The following COPS2 variants were observed in gnomAD, a reference collection of about 807,000 sequenced individuals.
COPS2 encodes the protein COP9 signalosome subunit 2, also known as COP9 signalosome complex subunit 2.
Under a neutral mutation model 66.1 loss-of-function variants are expected in COPS2, and 10 were observed. That is an observed-to-expected ratio of 0.15 (90% CI 0.09 to 0.26). The LOEUF is 0.26. COPS2 is among the 10% of genes least tolerant of loss of function. The probability of loss-of-function intolerance (pLI) is 1.00; values close to 1 mark genes in which losing one functional copy is unlikely to be tolerated. For missense variants in COPS2, 215 were observed against 513.3 expected, an observed-to-expected ratio of 0.42 and a Z score of 5.62; for synonymous variants, 179 against 171.3, an observed-to-expected ratio of 1.04 and a Z score of -0.35.
intron 3 of COPS2, among the ~76,000 whole-genome samples, chr15:49,140,543 TTATTCCTTG>T (rs1178837298): frequency 2.6e-5 from 4 of 152,198 alleles, no homozygotes; most frequent in Non-Finnish European, 5.9e-5. Flanking sequence ...GTAAATGTTG[TTATTCCTTG>T]TATTTGTACT....
At chr15:49,132,571 CAAAAAA>C (rs748471326) in intron 9 of COPS2, among the ~76,000 whole-genome samples, 1 of 59,900 alleles carries the variant, frequency 1.7e-5, no homozygotes, top group East Asian at 6.3e-4. Flanking sequence ...CATATATCTG[CAAAAAA>C]AAAAAAAAAA....
rs779043776 is a variant in COPS2 at position 49,129,299 on chromosome 15, T to C, written c.1128+178A>G. ...CAGCCTGGGCTATACAGCAAGACCCTGTCTCTTAAAAAAAAAAAAAATGAT... is the reference window on the plus strand; with the variant it reads ...CAGCCTGGGCTATACAGCAAGACCCCGTCTCTTAAAAAAAAAAAAAATGAT... On this transcript the variant is annotated intron_variant, in intron 11 of 12. Coordinates refer to ENST00000388901, the MANE Select transcript of COPS2 (RefSeq NM_004236.4). Among the ~76,000 whole-genome samples, 9 of 149,948 alleles carry C rather than the reference T, an allele frequency of 6.0e-5. No homozygotes were observed. In the South Asian group the frequency reaches 6.3e-4, roughly 11 times the overall value.
chr15:49,130,925 A>C, intron 9 of COPS2, 109 bp from the exon 10 acceptor site: 2 of 506,792 alleles, frequency 3.9e-6, no homozygotes. Context: ...AATCTAAATA[A>C]TATTATACTT....
At chr15:49,143,107 A>G (rs1198726734) in intron 3 of COPS2, among the ~76,000 whole-genome samples, 1 of 152,202 alleles carries the variant, frequency 6.6e-6, no homozygotes, top group Non-Finnish European at 1.5e-5. Flanking sequence ...ATGAAGAAAA[A>G]ATCCATATGG....
intron 1 of COPS2, among the ~76,000 whole-genome samples, chr15:49,153,274 T>C (rs985605601): frequency 6.7e-6 from 1 of 149,786 alleles, no homozygotes; most frequent in African/African-American, 2.5e-5. Context: ...AATATATACA[T>C]GTGTAAATAA....
intron 9 of COPS2, among the ~76,000 whole-genome samples, chr15:49,131,365 C>T (rs915781125): frequency 1.3e-5 from 2 of 151,326 alleles, no homozygotes; most frequent in Non-Finnish European, 2.9e-5. Context: ...ATTTCTCAAT[C>T]CCCTGTTGCA....
At chr15:49,138,470 G>A (rs1282740129) in intron 4 of COPS2, among the ~76,000 whole-genome samples, 1 of 152,060 alleles carries the variant, frequency 6.6e-6, no homozygotes, top group Non-Finnish European at 1.5e-5. Flanking sequence ...AAAATCACTC[G>A]ATTCCCTCTC....
In COPS2 at chr15:49,146,769, A is replaced by C. The variant is rs555667414; in HGVS notation, c.55-1691T>G. Among the ~76,000 whole-genome samples, 138 of 152,310 alleles carry C rather than the reference A, an allele frequency of 9.1e-4. 5 individuals carry two copies. In the South Asian group the frequency reaches 0.028, roughly 30 times the overall value. The stretch of plus-strand genomic sequence containing the variant: ...AGTTCTAATATCCTCATGGTTAAGC[A>C]GGTGAAATAATTTTCACAAAATGTA... On this transcript the variant is annotated intron_variant, in intron 1 of 12. Transcript: ENST00000388901.
intron 1 of COPS2, among the ~76,000 whole-genome samples, chr15:49,152,137 A>G (rs1448972005): frequency 2.0e-5 from 3 of 151,270 alleles, no homozygotes; most frequent in African/African-American, 7.3e-5. Flanking sequence ...TTGAGAAAAC[A>G]AGTCAATTAC....
At chr15:49,136,992 C>CA (rs80034361) in intron 6 of COPS2, among the ~76,000 whole-genome samples, 158 bp downstream of exon 6, 22,752 of 142,972 alleles carry the variant, frequency 0.16, 2,158 homozygotes, top group Non-Finnish European at 0.21. Flanking sequence ...CCCTCTCTCT[C>CA]AAAAAAAAAA....
rs1166848691 is a variant in COPS2 at position 49,123,674 on chromosome 15, A to AT, written c.*4275dup. The AT allele has an allele frequency of 6.6e-6, 1 of 152,114 alleles. No homozygotes were observed. The highest frequency in any genetic ancestry group is 2.4e-5 in the African/African-American group (1 of 41,436). The allele number at this position is 152,114 out of a possible 1,614,324, so 9.4% of individuals were successfully genotyped here. ...CCGAATAGTAAGTACTTAAGAAATAATTTTTTCTTTTTTCCTGTCACAGGG... is the reference window on the plus strand; with the variant it reads ...CCGAATAGTAAGTACTTAAGAAATAATTTTTTTCTTTTTTCCTGTCACAGGG... On this transcript the variant is annotated 3_prime_UTR_variant, in exon 13 of 13. Coordinates refer to ENST00000388901, the MANE Select transcript of COPS2 (RefSeq NM_004236.4).
chr15:49,154,398 G>T (rs933158925), intron 1 of COPS2, among the ~76,000 whole-genome samples: 3 of 152,050 alleles, frequency 2.0e-5, no homozygotes, highest in Admixed American at 2.0e-4. Flanking sequence ...AAATAATAGC[G>T]AGAATTTCCT....
chr15:49,134,496 C>A lies in COPS2; in HGVS notation c.559G>T (p.Asp187Tyr). 6.2e-7 allele frequency: 1 copy of A among 1,610,078 alleles called. No individual in the cohort carries two copies. Among genetic ancestry groups the A allele is most frequent in the Non-Finnish European group, 8.5e-7 (1 of 1,178,596 alleles). Residue 187 changes from aspartate to tyrosine, a missense_variant, in exon 7 of 13, where the codon GAT (aspartate) becomes TAT (tyrosine). By Grantham distance (160) the Asp-to-Tyr change is radical. This residue lies in a region of COPS2 where 90 missense variants were observed against 225.1 expected (regional missense o/e 0.40). Coordinates refer to ENST00000388901, the MANE Select transcript of COPS2 (RefSeq NM_004236.4). ...AATAACTGTGTACCTTTTTTCAGATCATCTTCTCCATCATCAGTCTAGGAA... is the reference window on the plus strand; with the variant it reads ...AATAACTGTGTACCTTTTTTCAGATAATCTTCTCCATCATCAGTCTAGGAA... ...QSCQTDDGED[D>Y]LKKGTQLLEI...
chr15:49,142,584 C>T (rs1309289885), intron 3 of COPS2, among the ~76,000 whole-genome samples: 6 of 152,168 alleles, frequency 3.9e-5, no homozygotes, highest in Admixed American at 3.9e-4. Context: ...GTTCCTGAAC[C>T]TTCCAACTGC....
intron 1 of COPS2, among the ~76,000 whole-genome samples, chr15:49,149,740 A>G (rs941714770): frequency 1.3e-5 from 2 of 152,174 alleles, no homozygotes; most frequent in Non-Finnish European, 2.9e-5. Flanking sequence ...AGAAGTCCTA[A>G]GAAATGTACT....
intron 9 of COPS2, among the ~76,000 whole-genome samples, chr15:49,131,595 C>T (rs2084209676): frequency 6.6e-6 from 1 of 151,868 alleles, no homozygotes; most frequent in South Asian, 2.1e-4. Flanking sequence ...CCCAATGTAA[C>T]CTCATATTAG....
At position 49,134,021 on chromosome 15, in the gene COPS2, G is replaced by C; in HGVS notation, c.803C>G (p.Ser268Cys). The part of the protein sequence containing the change: ...FFEAFKNYDE[S>C]GSPRRTTCLK... ...GCAAGTGGTTCGTCTTGGACTTCCA[G>C]ATTCATCATAATTCTTGAAGGCTTC... Residue 268 changes from serine (S) to cysteine (C), a missense_variant, in exon 8 of 13, where the codon TCT becomes TGT. Ser to Cys is a moderately radical substitution (Grantham distance 112). Transcript: ENST00000388901. The C allele has an allele frequency of 6.2e-7, 1 of 1,613,794 alleles. No individual in the cohort carries two copies. Among genetic ancestry groups the C allele is most frequent in the Non-Finnish European group, 8.5e-7 (1 of 1,179,758 alleles).
rs2084166047 is a variant in COPS2 at position 49,126,332 on chromosome 15, T to C, written c.*1618A>G. ...TGCTTTTCTAAATCTAAGGATTATA[T>C]ATTTTTAGTATAAATATATATCACA... is the stretch of plus-strand genomic sequence containing the variant. On this transcript the variant is annotated 3_prime_UTR_variant, in exon 13 of 13. Transcript: ENST00000388901. 6.6e-6 allele frequency: 1 copy of C among 152,456 alleles called. No homozygotes were observed. Among genetic ancestry groups the C allele is most frequent in the Non-Finnish European group, 1.5e-5 (1 of 67,932 alleles). The allele number at this position is 152,456 out of a possible 1,614,324, so 9.4% of individuals were successfully genotyped here.
chr15:49,139,722 T>C, intron 3 of COPS2, 69 bp from the exon 4 acceptor site: 1 of 1,182,212 alleles, frequency 8.5e-7, no homozygotes, highest in East Asian at 2.4e-5. Context: ...ATGATTAAGG[T>C]TATAGAATAC....
Sources: allele counts gnomAD v4.1 joint callset (sites outside exome capture counted in the v4.1 genomes callset), GRCh38; gene constraint gnomAD v4.1.1; regional missense constraint gnomAD v4.1.1; transcripts MANE v1.5; gene names NCBI Gene and HGNC (gene_info 2026-07-23, HGNC 2026-07-21).